The following TBXAS1 variants were observed in gnomAD, a reference collection of about 807,000 sequenced individuals.
TBXAS1 encodes thromboxane-A synthase.
TBXAS1 carries 48 observed loss-of-function variants against 60.7 expected under a neutral mutation model. The observed-to-expected ratio is 0.79, with a 90% CI of 0.63 to 1.01. TBXAS1 has a LOEUF of 1.01. Ranked by LOEUF, TBXAS1 falls within the 50% of genes least tolerant of loss-of-function variation. The pLI is 0.00. For missense variants in TBXAS1, 685 were observed against 686.3 expected (o/e 1.00, Z 0.02); for synonymous variants, 287 against 269.7 (o/e 1.06, Z -0.63).
chr7:139,955,636 C>T lies in TBXAS1; in HGVS notation c.688+29C>T, dbSNP rs777978148. 74 of 1,612,828 alleles carry T rather than the reference C, an allele frequency of 4.6e-5. No individual in the cohort carries two copies. In the Admixed American group the frequency reaches 8.7e-4, roughly 19 times the overall value. On this transcript the variant is annotated intron_variant, in intron 7 of 12. Transcript: ENST00000448866. ...AGTGCGGCTGCAGCCCGGGGCGCTG[C>T]GATGACTCCAGCAAGTTGGGCAGAC... is the stretch of plus-strand genomic sequence containing the variant.
intron 3 of TBXAS1, among the ~76,000 whole-genome samples, chr7:139,882,804 C>T (rs1274204975): frequency 1.3e-5 from 2 of 152,020 alleles, no homozygotes; most frequent in African/African-American, 4.8e-5. Context: ...TTGCCGTTCC[C>T]AATAATGTGA....
At chr7:139,830,820 T>C (rs1354089733) in intron 1 of TBXAS1, among the ~76,000 whole-genome samples, 1 of 152,166 alleles carries the variant, frequency 6.6e-6, no homozygotes, top group Non-Finnish European at 1.5e-5. Context: ...CTAATGTGCT[T>C]ATTCATATTA....
chr7:139,821,475 G>A (rs1798294326), intron 4 of TBXAS1, among the ~76,000 whole-genome samples: 1 of 152,142 alleles, frequency 6.6e-6, no homozygotes, highest in Non-Finnish European at 1.5e-5. Context: ...ATAAAATATG[G>A]TCCCTGCCCT....
chr7:139,791,406 T>C (rs991273133), intron 4 of TBXAS1, among the ~76,000 whole-genome samples: 2 of 152,082 alleles, frequency 1.3e-5, no homozygotes, highest in Admixed American at 6.5e-5. Context: ...CACGGGAGAT[T>C]TTTACGGGCC....
chr7:139,922,132 GCT>G (rs1806528787), intron 4 of TBXAS1, among the ~76,000 whole-genome samples: 1 of 138,958 alleles, frequency 7.2e-6, no homozygotes, highest in Non-Finnish European at 1.5e-5. Flanking sequence ...ATGGAGTTTT[GCT>G]CTTGTTGCCC....
Position 140,020,151 on chromosome 7 carries a change from C to G in TBXAS1, c.*52C>G. The G allele has an allele frequency of 6.3e-7, 1 of 1,578,530 alleles. No homozygotes were observed. Among genetic ancestry groups the G allele is most frequent in the Admixed American group, 1.7e-5 (1 of 59,890 alleles). On this transcript the variant is annotated 3_prime_UTR_variant, in exon 13 of 13. Transcript: ENST00000448866. ...GGCACCCCCAAATTCAAAGAAAACCCTAAGTGTGGATGTTCAGAATTTTGG... is the reference window on the plus strand; with the variant it reads ...GGCACCCCCAAATTCAAAGAAAACCGTAAGTGTGGATGTTCAGAATTTTGG...
chr7:139,904,577 A>G (rs1275623616), intron 3 of TBXAS1, among the ~76,000 whole-genome samples: 3 of 152,182 alleles, frequency 2.0e-5, no homozygotes, highest in African/African-American at 7.2e-5. Flanking sequence ...CCCATCCATG[A>G]GCATGGGATG....
intron 1 of TBXAS1, among the ~76,000 whole-genome samples, chr7:139,833,746 C>T (rs771650097): frequency 2.0e-5 from 3 of 151,736 alleles, no homozygotes; most frequent in Non-Finnish European, 4.4e-5. Flanking sequence ...AGGCCTTGTC[C>T]AACAGTAAAA....
intron 5 of TBXAS1, among the ~76,000 whole-genome samples, chr7:139,948,678 G>A (rs763901658): frequency 1.4e-4 from 21 of 152,182 alleles, no homozygotes; most frequent in Non-Finnish European, 3.1e-4. Context: ...ATCTGAGTGA[G>A]AATAGCATTG....
At chr7:139,976,033 C>T (rs1374283759) in intron 9 of TBXAS1, among the ~76,000 whole-genome samples, 1 of 152,250 alleles carries the variant, frequency 6.6e-6, no homozygotes, top group African/African-American at 2.4e-5. Context: ...CAGGCTTTCT[C>T]TTTGGGTTCC....
chr7:139,862,947 T>C (rs1180489615), intron 1 of TBXAS1, among the ~76,000 whole-genome samples: 4 of 152,218 alleles, frequency 2.6e-5, no homozygotes, highest in African/African-American at 9.6e-5. Context: ...GTAGGGTTAG[T>C]GAATAACGGC....
chr7:139,900,505 A>T (rs1020864498), intron 3 of TBXAS1, among the ~76,000 whole-genome samples: 1 of 152,222 alleles, frequency 6.6e-6, no homozygotes, highest in Non-Finnish European at 1.5e-5. Context: ...TGAGAGGCAG[A>T]ATGGCACTGG....
At chr7:139,847,091 G>A (rs1380573049) in intron 1 of TBXAS1, among the ~76,000 whole-genome samples, 1 of 152,132 alleles carries the variant, frequency 6.6e-6, no homozygotes. Context: ...GATGGCATCT[G>A]TTTACCTCTC....
At chr7:139,904,120 A>C (rs1031569868) in intron 3 of TBXAS1, among the ~76,000 whole-genome samples, 63 of 152,106 alleles carry the variant, frequency 4.1e-4, no homozygotes, top group Non-Finnish European at 8.1e-4. Flanking sequence ...ATCTTGAGTG[A>C]ATTTTTGTAT....
intron 9 of TBXAS1, among the ~76,000 whole-genome samples, chr7:139,969,602 A>T (rs1386719649): frequency 6.6e-6 from 1 of 152,084 alleles, no homozygotes; most frequent in Admixed American, 6.5e-5. Context: ...GAAAAAAAAA[A>T]TGTCTTCCCA....
intron 4 of TBXAS1, among the ~76,000 whole-genome samples, chr7:139,920,666 G>A (rs1806397209): frequency 6.6e-6 from 1 of 152,200 alleles, no homozygotes; most frequent in African/African-American, 2.4e-5. Flanking sequence ...TTACCAGCTT[G>A]AGATTAAAAA....
intron 3 of TBXAS1, among the ~76,000 whole-genome samples, chr7:139,876,782 A>T (rs981492272): frequency 2.4e-4 from 37 of 152,142 alleles, no homozygotes; most frequent in Non-Finnish European, 2.9e-5. Flanking sequence ...CTACCCCAAA[A>T]CTCAGTGACA....
At chr7:139,877,085 C>T (rs78754898) in intron 3 of TBXAS1, among the ~76,000 whole-genome samples, 2,286 of 152,310 alleles carry the variant, frequency 0.015, 31 homozygotes, top group African/African-American at 0.033. Context: ...CCAAGTCACA[C>T]GGCTAAACCC....
chr7:139,947,934 G>A (rs1273923355), intron 5 of TBXAS1, among the ~76,000 whole-genome samples: 2 of 151,566 alleles, frequency 1.3e-5, no homozygotes, highest in Admixed American at 1.3e-4. Flanking sequence ...GCGTGATCTT[G>A]GCTCACTGCA....
Sources: allele counts gnomAD v4.1 joint callset (sites outside exome capture counted in the v4.1 genomes callset), GRCh38; gene constraint gnomAD v4.1.1; transcripts MANE v1.5; gene names NCBI Gene and HGNC (gene_info 2026-07-23, HGNC 2026-07-21).